The following TRAPPC9 variants were observed in gnomAD, a reference collection of about 807,000 sequenced individuals.
The protein encoded by TRAPPC9 is trafficking protein particle complex subunit 9, also known as IKK2 binding protein.
Under a neutral mutation model 124.0 loss-of-function variants are expected in TRAPPC9, and 83 were observed. The observed-to-expected ratio is 0.67, with a 90% CI of 0.56 to 0.80. The LOEUF is 0.80. Ranked by LOEUF, TRAPPC9 falls within the 30% of genes least tolerant of loss-of-function variation. TRAPPC9 has a pLI of 0.00. For synonymous variants in TRAPPC9, 638 were observed against 617.5 expected (o/e 1.03, Z -0.49); for missense variants, 1,302 against 1,508.3 (o/e 0.86, Z 2.27).
chr8:139,836,164 A>G (rs971207294), intron 21 of TRAPPC9, among the ~76,000 whole-genome samples: 42 of 152,026 alleles, frequency 2.8e-4, no homozygotes, highest in African/African-American at 9.9e-4. Flanking sequence ...ACCCACCGCC[A>G]CACCTGGCTA....
intron 21 of TRAPPC9, among the ~76,000 whole-genome samples, chr8:139,799,413 A>C (rs752733142): frequency 2.0e-5 from 3 of 152,164 alleles, no homozygotes; most frequent in Non-Finnish European, 2.9e-5. Context: ...TCCACTGACC[A>C]CACTGCTTCT....
intron 8 of TRAPPC9, among the ~76,000 whole-genome samples, chr8:140,363,194 T>C (rs1159335313): frequency 1.3e-5 from 2 of 152,230 alleles, no homozygotes; most frequent in East Asian, 1.9e-4. Context: ...GGAAAAGGCA[T>C]GATCAAAAAT....
chr8:140,096,904 G>A (rs1345872726), intron 17 of TRAPPC9: 1 of 152,376 alleles, frequency 6.6e-6, no homozygotes, highest in African/African-American at 2.4e-5. Context: ...ACATTCCTAT[G>A]CTGAGAAGTC....
chr8:139,823,335 A>T (rs1825386068), intron 21 of TRAPPC9, among the ~76,000 whole-genome samples: 1 of 151,674 alleles, frequency 6.6e-6, no homozygotes, highest in South Asian at 2.1e-4. Context: ...GGGGACCGAG[A>T]GTTGACATCC....
chr8:140,341,759 G>A (rs569869641), intron 9 of TRAPPC9, among the ~76,000 whole-genome samples: 4 of 152,186 alleles, frequency 2.6e-5, no homozygotes, highest in Non-Finnish European at 2.9e-5. Context: ...AGGGAAGCAC[G>A]GAGCACGGGA....
At chr8:139,897,279 G>C (rs1049951885) in intron 20 of TRAPPC9, among the ~76,000 whole-genome samples, 1 of 152,232 alleles carries the variant, frequency 6.6e-6, no homozygotes, top group East Asian at 1.9e-4. Flanking sequence ...TGGAGGCAGT[G>C]AGCCGTGAGG....
intron 18 of TRAPPC9, among the ~76,000 whole-genome samples, chr8:140,012,941 G>A (rs1437982286): frequency 6.6e-6 from 1 of 152,088 alleles, no homozygotes; most frequent in East Asian, 1.9e-4. Context: ...GGGAGAGCAG[G>A]GTGTGTAGCA....
rs544442028 is a variant in TRAPPC9 at position 140,063,477 on chromosome 8, G to T, written c.2557-39398C>A. ...TCCCTGTTAGCATGTGGCATTCCAG[G>T]GCTCTAAACACATCAGACTGTGCCT... On this transcript the variant is annotated intron_variant, in intron 17 of 22. Transcript: ENST00000438773. This position sits in a 1 kb window ranked among gnomAD's most constrained non-coding sequence, Gnocchi z 4.3. 6.6e-6 allele frequency among the ~76,000 whole-genome samples: 1 copy of T among 152,192 alleles called. No individual in the cohort carries two copies. Among genetic ancestry groups the T allele is most frequent in the South Asian group, 2.1e-4 (1 of 4,822 alleles).
chr8:139,789,576 T>A (rs1010756689), intron 21 of TRAPPC9, among the ~76,000 whole-genome samples: 6 of 152,156 alleles, frequency 3.9e-5, no homozygotes, highest in African/African-American at 1.4e-4. Flanking sequence ...TTTTTGGGCA[T>A]CTGCTCATGT....
At chr8:140,162,820 T>G (rs932160874) in intron 17 of TRAPPC9, among the ~76,000 whole-genome samples, 1 of 152,124 alleles carries the variant, frequency 6.6e-6, no homozygotes, top group African/African-American at 2.4e-5. Context: ...AGACCTCATC[T>G]CTACAAGAAA....
Position 139,751,729 on chromosome 8 carries a change from G to GCATC in TRAPPC9, c.3056-19531_3056-19528dup, listed in dbSNP as rs113980054. On this transcript the variant is annotated intron_variant, in intron 21 of 22. Transcript: ENST00000438773. ...TACCCATCTACCATCCATCCATCCA[G>GCATC]CATCCATCCATCCATCCATCCATCC... Among the ~76,000 whole-genome samples, 46 of 146,510 alleles carry GCATC rather than the reference G, an allele frequency of 3.1e-4. 1 individual carries two copies. Among genetic ancestry groups the GCATC allele is most frequent in the East Asian group, 2.5e-3 (12 of 4,772 alleles).
At chr8:139,756,337 G>T (rs1383126408) in intron 21 of TRAPPC9, among the ~76,000 whole-genome samples, 1 of 136,834 alleles carries the variant, frequency 7.3e-6, no homozygotes, top group Non-Finnish European at 1.6e-5. Flanking sequence ...ACAGCATGTC[G>T]CAGGAGGAGC....
intron 21 of TRAPPC9, among the ~76,000 whole-genome samples, chr8:139,852,687 A>C (rs959871353): frequency 6.6e-6 from 1 of 152,206 alleles, no homozygotes. Context: ...GCACAAACCA[A>C]AGAAAATATT....
intron 8 of TRAPPC9, among the ~76,000 whole-genome samples, chr8:140,366,224 G>C (rs2068103761): frequency 1.3e-5 from 2 of 152,246 alleles, no homozygotes; most frequent in South Asian, 2.1e-4. Flanking sequence ...ATCCTGCAAT[G>C]AACACACCTG....
At chr8:140,229,054 T>G (rs2063520744) in intron 16 of TRAPPC9, among the ~76,000 whole-genome samples, 1 of 152,016 alleles carries the variant, frequency 6.6e-6, no homozygotes, top group African/African-American at 2.4e-5. Flanking sequence ...GACAAACACA[T>G]TTTTTGGCTA....
intron 21 of TRAPPC9, among the ~76,000 whole-genome samples, chr8:139,833,792 C>CAGCTTCCTTCCGCTTCAGG (rs1199272071): frequency 6.6e-6 from 1 of 152,202 alleles, no homozygotes; most frequent in African/African-American, 2.4e-5. Flanking sequence ...TGACTGATTT[C>CAGCTTCCTTCCGCTTCAGG]AGCTTCCTTC....
Position 140,360,080 on chromosome 8 carries a change from G to A in TRAPPC9, c.1465C>T (p.Gln489Ter). 1 of 1,614,228 alleles carries A rather than the reference G, an allele frequency of 6.2e-7. No homozygotes were observed. The highest frequency in any genetic ancestry group is 8.5e-7 in the Non-Finnish European group (1 of 1,180,040). Residue 489 changes from glutamine (Q) to a stop codon, truncating the protein, a stop_gained, in exon 9 of 23, where the codon CAG becomes TAG. Transcript: ENST00000438773. LOFTEE classifies it high-confidence loss of function. ...LSVRHLSFLL[Q>*]TMLDFLSDQE... Reference sequence around the variant, plus strand: ...TCCGACAAGAAGTCCAGCATGGTCTGTAGAAGGAAGGACAGGTGTCTGACA... The same window carrying A: ...TCCGACAAGAAGTCCAGCATGGTCTATAGAAGGAAGGACAGGTGTCTGACA...
chr8:140,446,290 T>A (rs13282301), intron 2 of TRAPPC9, among the ~76,000 whole-genome samples: 62,466 of 133,478 alleles, frequency 0.47, 14,920 homozygotes, highest in East Asian at 0.52. Context: ...TAAGACTCTG[T>A]CTCAAAAAAA....
chr8:139,991,588 G>GC (rs1297303319), intron 18 of TRAPPC9, among the ~76,000 whole-genome samples: 1 of 142,918 alleles, frequency 7.0e-6, no homozygotes, highest in Non-Finnish European at 1.5e-5. Context: ...TTTTGGGTTT[G>GC]TTTTTTTTTT....
Sources: allele counts gnomAD v4.1 joint callset (sites outside exome capture counted in the v4.1 genomes callset), GRCh38; gene constraint gnomAD v4.1.1; non-coding constraint Gnocchi (gnomAD v3.1); transcripts MANE v1.5; gene names NCBI Gene and HGNC (gene_info 2026-07-23, HGNC 2026-07-21).